The following DTWD2 variants were observed in gnomAD, a reference collection of about 807,000 sequenced individuals.
DTWD2 encodes tRNA-uridine aminocarboxypropyltransferase 2.
Under a neutral mutation model 31.8 loss-of-function variants are expected in DTWD2, and 39 were observed. The ratio of observed to expected loss-of-function variants is 1.22; its 90% CI spans 0.95 to 1.60. The LOEUF (loss-of-function observed/expected upper bound fraction) is 1.60, where lower values mean the gene tolerates loss of function less well. DTWD2 is among the 40% of genes most tolerant of loss of function. DTWD2 has a pLI of 0.00. For missense variants in DTWD2, 515 were observed against 381.5 expected (o/e 1.35, Z -2.92); for synonymous variants, 180 against 142.8 (o/e 1.26, Z -1.86).
chr5:118,934,104 A>C (rs1753983302), intron 3 of DTWD2, among the ~76,000 whole-genome samples: 1 of 150,850 alleles, frequency 6.6e-6, no homozygotes, highest in African/African-American at 2.4e-5. Context: ...TAAAATACGT[A>C]AAGTACCTGT....
intron 3 of DTWD2, among the ~76,000 whole-genome samples, chr5:118,937,422 C>A (rs1175019045): frequency 1.3e-5 from 2 of 150,628 alleles, no homozygotes; most frequent in East Asian, 1.9e-4. Context: ...TGTTATAAAT[C>A]TGTTTAATAC....
chr5:118,986,359 G>A (rs1254654810), intron 1 of DTWD2, among the ~76,000 whole-genome samples: 1 of 152,154 alleles, frequency 6.6e-6, no homozygotes, highest in Non-Finnish European at 1.5e-5. Context: ...ATCTTTTAAA[G>A]AATATTCCAT....
chr5:118,943,411 C>A (rs560078549), intron 2 of DTWD2, among the ~76,000 whole-genome samples: 1 of 152,070 alleles, frequency 6.6e-6, no homozygotes, highest in South Asian at 2.1e-4. Context: ...GTTAGCCGGG[C>A]GTTGTGGTGG....
intron 1 of DTWD2, among the ~76,000 whole-genome samples, chr5:118,964,418 G>GTCTCCC (rs916371630): frequency 6.6e-6 from 1 of 151,060 alleles, no homozygotes; most frequent in Non-Finnish European, 1.5e-5. Context: ...TCTCCCCACG[G>GTCTCCC]TCTCCCTCTC....
intron 4 of DTWD2, among the ~76,000 whole-genome samples, chr5:118,909,273 T>A (rs1236970357): frequency 4.6e-5 from 7 of 152,096 alleles, no homozygotes; most frequent in Non-Finnish European, 1.0e-4. Context: ...ATGGAGAAAC[T>A]CAACTCAACA....
At chr5:118,960,425 CAA>C (rs1754680290) in intron 1 of DTWD2, among the ~76,000 whole-genome samples, 1 of 152,030 alleles carries the variant, frequency 6.6e-6, no homozygotes, top group Non-Finnish European at 1.5e-5. Flanking sequence ...GTCAAAAAAA[CAA>C]GAGATGCTGG....
At chr5:118,960,396 G>C (rs1460410246) in intron 1 of DTWD2, among the ~76,000 whole-genome samples, 4 of 152,142 alleles carry the variant, frequency 2.6e-5, no homozygotes, top group Non-Finnish European at 5.9e-5. Flanking sequence ...ACACCAGTAA[G>C]AATGGCTACT....
At chr5:118,842,770 TAA>T (rs67399561) in intron 5 of DTWD2, among the ~76,000 whole-genome samples, 51,280 of 141,768 alleles carry the variant, frequency 0.36, 11,035 homozygotes, top group African/African-American at 0.62. Flanking sequence ...CTGTTTCTAT[TAA>T]AAAAAAAAAA....
intron 4 of DTWD2, among the ~76,000 whole-genome samples, chr5:118,922,620 A>G (rs558517446): frequency 4.9e-4 from 75 of 152,392 alleles, no homozygotes; most frequent in African/African-American, 1.8e-3. Context: ...AGACAAGACT[A>G]TAAGAGAGAA....
intron 1 of DTWD2, among the ~76,000 whole-genome samples, chr5:118,958,977 C>A (rs7736118): frequency 0.4 from 60,955 of 151,938 alleles, 13,545 homozygotes; most frequent in East Asian, 0.93. Context: ...CTATGCCAAA[C>A]CCACAGCCAA....
At chr5:118,881,763 G>GT in intron 4 of DTWD2, among the ~76,000 whole-genome samples, 1 of 152,088 alleles carries the variant, frequency 6.6e-6, no homozygotes, top group Non-Finnish European at 1.5e-5. Context: ...ATCAGATCTC[G>GT]TAAGAAATCC....
chr5:118,946,726 T>G (rs1036528246), intron 1 of DTWD2, among the ~76,000 whole-genome samples: 1 of 151,968 alleles, frequency 6.6e-6, no homozygotes, highest in African/African-American at 2.4e-5. Flanking sequence ...CTACAAACAT[T>G]AGCTTTAATC....
At chr5:118,854,543 T>G (rs1213992794) in intron 4 of DTWD2, among the ~76,000 whole-genome samples, 1 of 151,962 alleles carries the variant, frequency 6.6e-6, no homozygotes, top group South Asian at 2.1e-4. Context: ...AGAATAAACA[T>G]GTAATTTTTT....
chr5:118,912,721 C>T (rs969703971), intron 4 of DTWD2, among the ~76,000 whole-genome samples: 90 of 152,240 alleles, frequency 5.9e-4, no homozygotes, highest in African/African-American at 2.2e-3. Flanking sequence ...ATATATATGG[C>T]AATATTTTAT....
chr5:118,954,636 G>T (rs1041563339), intron 1 of DTWD2, among the ~76,000 whole-genome samples: 2 of 152,042 alleles, frequency 1.3e-5, no homozygotes, highest in African/African-American at 4.8e-5. Context: ...CCTCAGCCTC[G>T]TGAGTAGCTG....
intron 4 of DTWD2, among the ~76,000 whole-genome samples, chr5:118,885,018 A>T (rs1752828537): frequency 6.7e-6 from 1 of 148,434 alleles, no homozygotes; most frequent in Non-Finnish European, 1.5e-5. Flanking sequence ...AAAAAAAAAA[A>T]ATCGTCCAGG....
chr5:118,920,310 G>C (rs768421072), intron 4 of DTWD2, among the ~76,000 whole-genome samples: 23 of 151,784 alleles, frequency 1.5e-4, no homozygotes, highest in Non-Finnish European at 2.6e-4. Flanking sequence ...TTTTAAAAAA[G>C]AGATAAAGAA....
At chr5:118,919,046 A>C (rs900550877) in intron 4 of DTWD2, among the ~76,000 whole-genome samples, 1 of 152,248 alleles carries the variant, frequency 6.6e-6, no homozygotes, top group Non-Finnish European at 1.5e-5. Flanking sequence ...GCCTAGCTGC[A>C]AGAGAGACTG....
chr5:118,987,016 C>G (rs966273267), intron 1 of DTWD2, among the ~76,000 whole-genome samples: 3 of 152,138 alleles, frequency 2.0e-5, no homozygotes, highest in Non-Finnish European at 2.9e-5. Flanking sequence ...AAATAAATCT[C>G]TGCTAAACAG....
Sources: allele counts gnomAD v4.1 joint callset (sites outside exome capture counted in the v4.1 genomes callset), GRCh38; gene constraint gnomAD v4.1.1; transcripts MANE v1.5; gene names NCBI Gene and HGNC (gene_info 2026-07-23, HGNC 2026-07-21).